Variants in TMEM192 observed in about 807,000 individuals in gnomAD.
The protein encoded by TMEM192 is transmembrane protein 192.
Under a neutral mutation model 26.7 loss-of-function variants are expected in TMEM192, and 20 were observed. That is an observed-to-expected ratio of 0.75 (90% confidence interval 0.53 to 1.09). The LOEUF is 1.09. TMEM192 is among the 50% of genes least tolerant of loss of function. TMEM192 has a pLI of 0.00. For synonymous variants in TMEM192, 124 were observed against 121.0 expected, an observed-to-expected ratio of 1.02 and a Z score of -0.16; for missense variants, 304 against 322.6, an observed-to-expected ratio of 0.94 and a Z score of 0.44.
Position 165,077,174 on chromosome 4 carries a change from TTGA to T in TMEM192, c.*2481_*2483del, listed in dbSNP as rs1489953024. 1 of 152,192 alleles carries T rather than the reference TTGA, an allele frequency of 6.6e-6. No homozygotes were observed. The highest frequency in any genetic ancestry group is 2.4e-5 in the African/African-American group (1 of 41,454). The allele number at this position is 152,192 out of a possible 1,614,324, so 9.4% of individuals were successfully genotyped here. A position where few individuals can be genotyped will look rare whatever the true frequency, so the allele number is the denominator to read the frequency against. ...GTTCATCATTGCATTCAGAAAAATG[TTGA>T]TGATTATACAACAAACATGTTGATG... On this transcript the variant is annotated 3_prime_UTR_variant, in exon 6 of 6. Coordinates refer to ENST00000306480, the MANE Select transcript of TMEM192 (RefSeq NM_001100389.2).
At chr4:165,104,199 T>TA (rs1361684612) in intron 1 of TMEM192, among the ~76,000 whole-genome samples, 1 of 108,634 alleles carries the variant, frequency 9.2e-6, no homozygotes, top group African/African-American at 3.5e-5. Context: ...CATCACATGT[T>TA]AAAAAAAAGA....
intron 4 of TMEM192, among the ~76,000 whole-genome samples, chr4:165,088,157 T>TGCCTCATCCTCCC (rs1313860239): frequency 2.0e-5 from 3 of 152,168 alleles, no homozygotes; most frequent in Non-Finnish European, 4.4e-5. Flanking sequence ...GTGATCCTTC[T>TGCCTCATCCTCCC]GCCTCATCCT....
In TMEM192 at chr4:165,074,278, GAGA is replaced by G. The variant is rs892856443; in HGVS notation, c.*5377_*5379del. The G allele has an allele frequency of 5.3e-5, 8 of 152,152 alleles. No individual in the cohort carries two copies. Among genetic ancestry groups the G allele is most frequent in the African/African-American group, 1.9e-4 (8 of 41,440 alleles). 9.4% of individuals were successfully genotyped at this position (152,152 alleles called of 1,614,324 possible). A position where few individuals can be genotyped will look rare whatever the true frequency, so the allele number is the denominator to read the frequency against. ...AGGTGAGACTGGATAGAGAGGAAGGGAGAAGAATTAGAGATAGGCTTCCCTGGT... is the reference window on the plus strand; with the variant it reads ...AGGTGAGACTGGATAGAGAGGAAGGGAGAATTAGAGATAGGCTTCCCTGGT... On this transcript the variant is annotated 3_prime_UTR_variant, in exon 6 of 6. Coordinates refer to ENST00000306480, the MANE Select transcript of TMEM192 (RefSeq NM_001100389.2).
intron 5 of TMEM192, among the ~76,000 whole-genome samples, chr4:165,084,184 G>A (rs1371150683): frequency 1.3e-5 from 2 of 150,880 alleles, no homozygotes; most frequent in Non-Finnish European, 3.0e-5. Context: ...CATTTCTTAA[G>A]CCCCTAAGTA....
chr4:165,094,469 C>T (rs936283641), intron 3 of TMEM192, among the ~76,000 whole-genome samples: 1 of 152,106 alleles, frequency 6.6e-6, no homozygotes, highest in African/African-American at 2.4e-5. Flanking sequence ...ACCAGCCTGA[C>T]CAACAGGGAG....
chr4:165,095,016 T>C (rs1485781616), intron 3 of TMEM192, among the ~76,000 whole-genome samples: 1 of 151,932 alleles, frequency 6.6e-6, no homozygotes, highest in Non-Finnish European at 1.5e-5. Context: ...TTGCTATTCA[T>C]TAAGAATATT....
At chr4:165,110,191 A>G (rs1003983448) in intron 1 of TMEM192, among the ~76,000 whole-genome samples, 1 of 152,140 alleles carries the variant, frequency 6.6e-6, no homozygotes, top group Non-Finnish European at 1.5e-5. Context: ...TGATTTTTTC[A>G]TTTCCATTAT....
rs1734422594 is a variant in TMEM192, at chr4:165,077,810, T to C, written c.*1848A>G. The C allele has an allele frequency of 6.8e-6, 1 of 147,738 alleles. No individual in the cohort carries two copies. The highest frequency in any genetic ancestry group is 1.5e-5 in the Non-Finnish European group (1 of 67,564). 9.2% of individuals were successfully genotyped at this position (147,738 alleles called of 1,614,324 possible). On this transcript the variant is annotated 3_prime_UTR_variant, in exon 6 of 6. Coordinates refer to ENST00000306480, the MANE Select transcript of TMEM192 (RefSeq NM_001100389.2). ...CTGGGCGACAGGGTGAGACTCTGTC[T>C]CAAAAACAACAACAAAAAAAAAAAC...
intron 2 of TMEM192, 147 bp downstream of exon 2, chr4:165,102,799 TTTTG>T: frequency 2.0e-6 from 1 of 496,914 alleles, no homozygotes; most frequent in Non-Finnish European, 3.2e-6. Flanking sequence ...TTTTTTTTTT[TTTTG>T]CCCATGACAC....
At chr4:165,091,512 TAAG>T (rs1005264678) in intron 3 of TMEM192, among the ~76,000 whole-genome samples, 4 of 152,198 alleles carry the variant, frequency 2.6e-5, no homozygotes, top group Admixed American at 6.6e-5. Flanking sequence ...TCTAGTTTAG[TAAG>T]AAGTGTTCTA....
In TMEM192 at chr4:165,079,894, G is replaced by A. The variant is rs1431963206; in HGVS notation, c.678-98C>T. 8 of 1,170,998 alleles carry A rather than the reference G, an allele frequency of 6.8e-6. No individual in the cohort carries two copies. The East Asian group carries it at 2.0e-4, about 29-fold the overall frequency. 72.5% of individuals were successfully genotyped at this position (1,170,998 alleles called of 1,614,324 possible). A position where few individuals can be genotyped will look rare whatever the true frequency, so the allele number is the denominator to read the frequency against. On this transcript the variant is annotated intron_variant, in intron 5 of 5. Transcript: ENST00000306480. The stretch of plus-strand genomic sequence containing the variant: ...CTACTAGTTTTTAGTAAAGCATATT[G>A]TATTTGCCACCTTTTCTTAGATGTC...
At chr4:165,084,002 A>G (rs188522838) in intron 5 of TMEM192, among the ~76,000 whole-genome samples, 25 of 151,884 alleles carry the variant, frequency 1.6e-4, no homozygotes, top group African/African-American at 5.6e-4. Flanking sequence ...TTGTATATTT[A>G]GTAGAGATGG....
At chr4:165,109,221 G>A (rs1735239794) in intron 1 of TMEM192, among the ~76,000 whole-genome samples, 2 of 152,312 alleles carry the variant, frequency 1.3e-5, no homozygotes, top group East Asian at 1.9e-4. Flanking sequence ...TACAAGGGCA[G>A]AGACTCTTTT....
At position 165,100,749 on chromosome 4, in the gene TMEM192, G is replaced by C. The variant is rs774346631; in HGVS notation, c.318C>G (p.Leu106=). 102 of 1,613,876 alleles carry C rather than the reference G, an allele frequency of 6.3e-5. No homozygotes were observed. Among genetic ancestry groups the C allele is most frequent in the Non-Finnish European group, 8.5e-5 (100 of 1,180,020 alleles). The change falls in exon 3 of 6, where the codon CTC becomes CTG. Residue 106 remains leucine (L), a synonymous_variant. Transcript: ENST00000306480. ...GGATGTAGCATTCAAGGAGTAAATG[G>C]AGAATCCACAAAATAACTTTCCCAA... is the stretch of plus-strand genomic sequence containing the variant. ...IILGKVILWI[L]HLLLECYIQY...
chr4:165,087,037 C>T (rs190938491), intron 4 of TMEM192, among the ~76,000 whole-genome samples: 2 of 152,074 alleles, frequency 1.3e-5, no homozygotes, highest in Non-Finnish European at 2.9e-5. Flanking sequence ...TCGCTTAAAC[C>T]CAGGAGGCGG....
Position 165,076,436 on chromosome 4 carries a change from A to G in TMEM192, c.*3222T>C, listed in dbSNP as rs1017026451. 6.6e-6 allele frequency: 1 copy of G among 152,252 alleles called. No individual in the cohort carries two copies. The highest frequency in any genetic ancestry group is 2.4e-5 in the African/African-American group (1 of 41,446). 9.4% of individuals were successfully genotyped at this position (152,252 alleles called of 1,614,324 possible). ...TTCCAGCATAGTATCAAGGCCCTCC[A>G]AGCTCTGACCCTGTCTACCTCTCCA... is the stretch of plus-strand genomic sequence containing the variant. On this transcript the variant is annotated 3_prime_UTR_variant, in exon 6 of 6. Coordinates refer to ENST00000306480, the MANE Select transcript of TMEM192 (RefSeq NM_001100389.2).
intron 1 of TMEM192, among the ~76,000 whole-genome samples, chr4:165,105,116 T>G (rs1440955914): frequency 3.9e-5 from 6 of 152,194 alleles, no homozygotes; most frequent in Non-Finnish European, 8.8e-5. Flanking sequence ...TCTATCAAAC[T>G]ATCCTGTGAT....
chr4:165,094,431 C>A (rs972876827), intron 3 of TMEM192, among the ~76,000 whole-genome samples: 2 of 152,042 alleles, frequency 1.3e-5, no homozygotes, highest in South Asian at 4.1e-4. Flanking sequence ...TCTAGGCTGG[C>A]GGTGGCTCCT....
intron 3 of TMEM192, among the ~76,000 whole-genome samples, chr4:165,095,206 G>A (rs747540445): frequency 2.0e-5 from 3 of 152,116 alleles, no homozygotes; most frequent in Non-Finnish European, 4.4e-5. Flanking sequence ...CAGGGTTCTG[G>A]TAGGAAGAAA....
Sources: allele counts gnomAD v4.1 joint callset (sites outside exome capture counted in the v4.1 genomes callset), GRCh38; gene constraint gnomAD v4.1.1; transcripts MANE v1.5; gene names NCBI Gene and HGNC (gene_info 2026-07-23, HGNC 2026-07-21).